Variants in STK11 observed in about 807,000 individuals in gnomAD.
STK11 encodes serine/threonine-protein kinase STK11.
In STK11, 8 loss-of-function variants were observed where a neutral mutation model predicts 47.3. That is an observed-to-expected ratio of 0.17 (90% CI 0.10 to 0.31). The LOEUF (loss-of-function observed/expected upper bound fraction) is 0.31, where lower values mean the gene tolerates loss of function less well. Among genes scored for constraint, STK11 ranks in the 10% least tolerant of loss-of-function variants. The pLI is 1.00. For synonymous variants in STK11, 330 were observed against 255.8 expected (o/e 1.29, Z -2.77); for missense variants, 475 against 605.0 (o/e 0.79, Z 2.25).
At position 1,220,648 on chromosome 19, in the gene STK11, C is replaced by T. The variant is rs2080776562; in HGVS notation, c.665C>T (p.Pro222Leu). 6.2e-7 allele frequency: 1 copy of T among 1,609,784 alleles called. No homozygotes were observed. The change falls in exon 5 of 10, where the codon CCC (proline) becomes CTC (leucine). Residue 222 changes from proline (P) to leucine (L), a missense_variant. By Grantham distance (98) the Pro-to-Leu change is moderately conservative. Coordinates refer to ENST00000326873, the MANE Select transcript of STK11 (RefSeq NM_000455.5). ...TSQGSPAFQPPEIANGLDTFS... is the reference protein window; with the variant it reads ...TSQGSPAFQPLEIANGLDTFS... ...CAGGGCTCCCCGGCTTTCCAGCCGC[C>T]CGAGATTGCCAACGGCCTGGACACC...
rs786201510 is a variant in STK11, at chr19:1,219,402, C to G, written c.453C>G (p.Cys151Trp). Residue 151 changes from cysteine to tryptophan, a missense_variant, in exon 3 of 10, where the codon TGC (cysteine) becomes TGG (tryptophan). By Grantham distance (215) the Cys-to-Trp change is radical (BLOSUM62 -2). Coordinates refer to ENST00000326873, the MANE Select transcript of STK11 (RefSeq NM_000455.5). ...DSVPEKRFPVCQAHGYFCQLI... is the reference protein window; with the variant it reads ...DSVPEKRFPVWQAHGYFCQLI... ...TGCCGGAGAAGCGTTTCCCAGTGTGCCAGGCCCACGGGTGCGTGCGCGGGG... is the reference window on the plus strand; with the variant it reads ...TGCCGGAGAAGCGTTTCCCAGTGTGGCAGGCCCACGGGTGCGTGCGCGGGG... 6.3e-7 allele frequency: 1 copy of G among 1,590,354 alleles called. No individual in the cohort carries two copies. Among genetic ancestry groups the G allele is most frequent in the Non-Finnish European group, 8.6e-7 (1 of 1,169,268 alleles).
In STK11 at chr19:1,228,183, G is replaced by A. The variant is rs922105616; in HGVS notation, c.*607G>A. On this transcript the variant is annotated 3_prime_UTR_variant, in exon 10 of 10. Transcript: ENST00000326873. The stretch of plus-strand genomic sequence containing the variant: ...ACGTCGCGGCCGCCTTTGCGCTCTC[G>A]GGTCACCCTGCTTTGGCGGCCCGGC... 1 of 1,045,566 alleles carries A rather than the reference G, an allele frequency of 9.6e-7. No individual in the cohort carries two copies. Among genetic ancestry groups the A allele is most frequent in the East Asian group, 5.0e-5 (1 of 20,116 alleles). The allele number at this position is 1,045,566 out of a possible 1,614,324, so 64.8% of individuals were successfully genotyped here.
intron 1 of STK11, among the ~76,000 whole-genome samples, chr19:1,213,107 C>G (rs1245385391): frequency 6.6e-6 from 1 of 150,582 alleles, no homozygotes; most frequent in Non-Finnish European, 1.5e-5. Flanking sequence ...CACCATTCTC[C>G]TGCCTCAGCC....
intron 1 of STK11, among the ~76,000 whole-genome samples, chr19:1,217,979 C>G (rs2080755391): frequency 6.6e-6 from 1 of 152,114 alleles, no homozygotes; most frequent in African/African-American, 2.4e-5. Context: ...CCTGTCTGTA[C>G]TAAAATACAA....
chr19:1,212,994 T>G (rs1219590673), intron 1 of STK11, among the ~76,000 whole-genome samples: 1 of 134,238 alleles, frequency 7.4e-6, no homozygotes, highest in Non-Finnish European at 1.6e-5. Context: ...GTTCACCTTT[T>G]TTTTTTTTTT....
intron 2 of STK11, 112 bp from the exon 3 acceptor site, chr19:1,219,212 G>A (rs1439840061): frequency 1.5e-6 from 2 of 1,299,090 alleles, no homozygotes; most frequent in African/African-American, 1.5e-5. Context: ...CTGGTCCCGA[G>A]GAGGGGCAAG....
intron 6 of STK11, chr19:1,221,693 C>T (rs1163932654): frequency 1.0e-5 from 6 of 594,012 alleles, no homozygotes; most frequent in Non-Finnish European, 1.8e-5. Flanking sequence ...TCCATCTGCC[C>T]AGTGGCCTTG....
In STK11 at chr19:1,217,324, C is replaced by T. The variant is rs115217640; in HGVS notation, c.291-1093C>T. ...AAGTGATCCTCCCACCTGAGCCTCC[C>T]GAGTAGCTAGGACTTGAGGCACGTA... On this transcript the variant is annotated intron_variant, in intron 1 of 9. Coordinates refer to ENST00000326873, the MANE Select transcript of STK11 (RefSeq NM_000455.5). Among the ~76,000 whole-genome samples, 356 of 152,246 alleles carry T rather than the reference C, an allele frequency of 2.3e-3. 2 individuals are homozygous for T. The highest frequency in any genetic ancestry group is 7.8e-3 in the African/African-American group (326 of 41,532).
chr19:1,206,832 G>C lies in STK11; in HGVS notation c.-82G>C, dbSNP rs1317804857. 14 of 1,439,668 alleles carry C rather than the reference G, an allele frequency of 9.7e-6. No individual in the cohort carries two copies. The highest frequency in any genetic ancestry group is 1.8e-6 in the Non-Finnish European group (2 of 1,085,726). The allele number at this position is 1,439,668 out of a possible 1,614,324, so 89.2% of individuals were successfully genotyped here. ...TCTTTTTTCTTTGTAAAATTTTGGA[G>C]AAGGGAAGTCGGAACACAAGGAAGG... On this transcript the variant is annotated 5_prime_UTR_variant, in exon 1 of 10. Coordinates refer to ENST00000326873, the MANE Select transcript of STK11 (RefSeq NM_000455.5).
chr19:1,225,311 C>G lies in STK11; in HGVS notation c.1109-1143C>G, dbSNP rs370795740. On this transcript the variant is annotated intron_variant, in intron 8 of 9. Coordinates refer to ENST00000326873, the MANE Select transcript of STK11 (RefSeq NM_000455.5). Reference sequence around the variant, plus strand: ...TTTTGGAGACAGAGTCTTGCTCTGTCGCCCAGGCTGGAGTGCTGTGGTGCG... The same window carrying G: ...TTTTGGAGACAGAGTCTTGCTCTGTGGCCCAGGCTGGAGTGCTGTGGTGCG... 1.0e-5 allele frequency: 10 copies of G among 981,240 alleles called. No individual in the cohort carries two copies. In the East Asian group the frequency reaches 5.7e-4, roughly 56 times the overall value. The allele number at this position is 981,240 out of a possible 1,614,324, so 60.8% of individuals were successfully genotyped here. A position where few individuals can be genotyped will look rare whatever the true frequency, so the allele number is the denominator to read the frequency against.
chr19:1,223,966 G>T (rs2080803879), intron 8 of STK11: 3 of 1,010,262 alleles, frequency 3.0e-6, no homozygotes, highest in African/African-American at 1.7e-5. Flanking sequence ...GCAGGGGCCG[G>T]CCTGAGAAGG....
chr19:1,225,027 C>A (rs2080811072), intron 8 of STK11: 3 of 980,574 alleles, frequency 3.1e-6, no homozygotes, highest in Non-Finnish European at 3.6e-6. Context: ...TCCACTTTGG[C>A]CTCACGTGTC....
In STK11 at chr19:1,228,187, C is replaced by T; in HGVS notation, c.*611C>T. On this transcript the variant is annotated 3_prime_UTR_variant, in exon 10 of 10. Coordinates refer to ENST00000326873, the MANE Select transcript of STK11 (RefSeq NM_000455.5). The stretch of plus-strand genomic sequence containing the variant: ...CGCGGCCGCCTTTGCGCTCTCGGGT[C>T]ACCCTGCTTTGGCGGCCCGGCCGGA... The T allele has an allele frequency of 9.6e-7, 1 of 1,041,722 alleles. No homozygotes were observed. Among genetic ancestry groups the T allele is most frequent in the Non-Finnish European group, 1.2e-6 (1 of 857,740 alleles). 64.5% of individuals were successfully genotyped at this position (1,041,722 alleles called of 1,614,324 possible).
In STK11 at chr19:1,220,826, CCT is replaced by C; in HGVS notation, c.734+114_734+115del. ...GCAGGGCGTGGCCACCGGCCCAGAC[CCT>C]CTCTGGCCACAGCCGCTAGGGGGTG... On this transcript the variant is annotated intron_variant, in intron 5 of 9. Transcript: ENST00000326873. 5 of 1,463,006 alleles carry C rather than the reference CCT, an allele frequency of 3.4e-6. No individual in the cohort carries two copies. In the Admixed American group the frequency reaches 6.8e-5, roughly 20 times the overall value. 90.6% of individuals were successfully genotyped at this position (1,463,006 alleles called of 1,614,324 possible).
chr19:1,224,357 C>A (rs1312607578), intron 8 of STK11: 1 of 985,302 alleles, frequency 1.0e-6, no homozygotes, highest in South Asian at 4.7e-5. Flanking sequence ...ACGGGAGGTG[C>A]TGCTGGGTAC....
At chr19:1,210,697 T>TA (rs1372625270) in intron 1 of STK11, among the ~76,000 whole-genome samples, 8 of 151,090 alleles carry the variant, frequency 5.3e-5, no homozygotes, top group African/African-American at 2.0e-4. Flanking sequence ...ACCCTGTCTC[T>TA]ACTAAAAATA....
intron 1 of STK11, among the ~76,000 whole-genome samples, chr19:1,207,434 C>T (rs979145860): frequency 3.3e-5 from 5 of 152,308 alleles, no homozygotes; most frequent in Admixed American, 6.5e-5. Flanking sequence ...TTTGCATGGG[C>T]TCTTGGACTC....
In STK11 at chr19:1,223,079, C is replaced by G. The variant is rs769644352; in HGVS notation, c.1015C>G (p.Pro339Ala). ...KDRWRSMTVV[P>A]YLEDLHGADE... is the part of the protein sequence containing the mutation. ...CCGGTGGCGCAGCATGACTGTGGTGCCGTACTTGGAGGACCTGCACGGCGC... is the reference window on the plus strand; with the variant it reads ...CCGGTGGCGCAGCATGACTGTGGTGGCGTACTTGGAGGACCTGCACGGCGC... Residue 339 changes from proline (P) to alanine (A), a missense_variant, in exon 8 of 10, where the codon CCG (proline) becomes GCG (alanine). Pro to Ala is a conservative substitution (Grantham distance 27). Coordinates refer to ENST00000326873, the MANE Select transcript of STK11 (RefSeq NM_000455.5). The G allele has an allele frequency of 1.2e-6, 2 of 1,608,598 alleles. No individual in the cohort carries two copies. Among genetic ancestry groups the G allele is most frequent in the African/African-American group, 2.7e-5 (2 of 74,814 alleles).
intron 8 of STK11, chr19:1,225,073 GAT>G (rs2080811599): frequency 6.1e-6 from 6 of 985,924 alleles, no homozygotes; most frequent in Non-Finnish European, 7.2e-6. Context: ...CCAACACCCA[GAT>G]CCCAGGGAAG....
Sources: allele counts gnomAD v4.1 joint callset (sites outside exome capture counted in the v4.1 genomes callset), GRCh38; gene constraint gnomAD v4.1.1; transcripts MANE v1.5; gene names NCBI Gene and HGNC (gene_info 2026-07-23, HGNC 2026-07-21).